Variants in POMGNT1 observed in about 807,000 individuals in gnomAD.
The protein encoded by POMGNT1 is protein O-linked mannose N-acetylglucosaminyltransferase 1 (beta 1,2-).
A neutral mutation model predicts 95.6 loss-of-function variants in POMGNT1; 67 were observed. The ratio of observed to expected loss-of-function variants is 0.70; its 90% confidence interval spans 0.58 to 0.86. The LOEUF (loss-of-function observed/expected upper bound fraction) is 0.86. POMGNT1 is among the 40% of genes least tolerant of loss of function. POMGNT1 has a pLI of 0.00. For missense variants in POMGNT1, 719 were observed against 855.2 expected (o/e 0.84, Z 1.99); for synonymous variants, 298 against 317.9 (o/e 0.94, Z 0.66).
rs764844715 is a variant in POMGNT1, at chr1:46,192,380, A to G, written c.1341T>C (p.Pro447=). ...ACCTCCTGAGCACCCAGCCCAGCCCAGGCATGGTCTCCACACGGTACAGTA... is the reference window on the plus strand; with the variant it reads ...ACCTCCTGAGCACCCAGCCCAGCCCGGGCATGGTCTCCACACGGTACAGTA... The part of the protein sequence containing the change: ...PALLYRVETM[P]GLGWVLRRSL... The change falls in exon 16 of 22, where the codon CCT becomes CCC. Residue 447 remains proline, a synonymous_variant. Coordinates refer to ENST00000371984, the MANE Select transcript of POMGNT1 (RefSeq NM_017739.4). The G allele has an allele frequency of 1.2e-6, 2 of 1,614,078 alleles. No homozygotes were observed. Among genetic ancestry groups the G allele is most frequent in the South Asian group, 2.2e-5 (2 of 91,096 alleles).
intron 1 of POMGNT1, among the ~76,000 whole-genome samples, chr1:46,214,495 A>T (rs55707872): frequency 6.6e-6 from 1 of 152,162 alleles, no homozygotes; most frequent in Non-Finnish European, 1.5e-5. Flanking sequence ...AGGTGTAAAA[A>T]GGTAAACATT....
intron 1 of POMGNT1, among the ~76,000 whole-genome samples, chr1:46,208,268 C>T (rs1658783045): frequency 6.6e-6 from 1 of 152,146 alleles, no homozygotes; most frequent in Non-Finnish European, 1.5e-5. Context: ...TCTGGGATTG[C>T]AGGCTGAGCC....
intron 1 of POMGNT1, among the ~76,000 whole-genome samples, chr1:46,216,043 C>CTTTTTTTTTTTTTTTTTTT (rs141982741): frequency 1.1e-5 from 1 of 92,540 alleles, no homozygotes; most frequent in African/African-American, 4.3e-5. Context: ...TTTATTTTAT[C>CTTTTTTTTTTTTTTTTTTT]TTTTTTTTTT....
At chr1:46,202,915 G>GGGT (rs1658583724), upstream of POMGNT1, among the ~76,000 whole-genome samples, 2 of 109,956 alleles carry the variant, frequency 1.8e-5, no homozygotes, top group Non-Finnish European at 3.9e-5. Flanking sequence ...CTGGGGGGGG[G>GGGT]GGGTGGTGTG....
upstream of POMGNT1, among the ~76,000 whole-genome samples, chr1:46,202,737 A>G (rs1268642360): frequency 6.7e-6 from 1 of 149,452 alleles, no homozygotes; most frequent in Non-Finnish European, 1.5e-5. Context: ...CAGGATCTCA[A>G]GCCCCACCCC....
intron 20 of POMGNT1, 142 bp from the exon 21 acceptor site, chr1:46,189,709 G>A: frequency 6.5e-7 from 1 of 1,546,854 alleles, no homozygotes; most frequent in East Asian, 2.3e-5. Flanking sequence ...ATATGAATTT[G>A]GACAAGGAGG....
intron 1 of POMGNT1, chr1:46,219,574 C>T (rs1319723569): frequency 1.3e-5 from 14 of 1,043,352 alleles, no homozygotes; most frequent in Non-Finnish European, 1.8e-5. Context: ...ACACTGCAAG[C>T]CGTTATAATT....
intron 6 of POMGNT1, chr1:46,195,593 C>T: frequency 1.6e-6 from 1 of 619,678 alleles, no homozygotes; most frequent in East Asian, 3.0e-5. Context: ...TGTCTTGTTT[C>T]CCATTGTATC....
At chr1:46,211,968 GC>G (rs966887902) in intron 1 of POMGNT1, among the ~76,000 whole-genome samples, 1 of 151,974 alleles carries the variant, frequency 6.6e-6, no homozygotes, top group African/African-American at 2.4e-5. Flanking sequence ...CACCATGTTG[GC>G]CAGGCTGGTC....
rs749603354 is a variant in POMGNT1, at chr1:46,196,781, C to T, written c.304G>A (p.Glu102Lys). The T allele has an allele frequency of 4.9e-5, 79 of 1,614,104 alleles. No homozygotes were observed. The highest frequency in any genetic ancestry group is 6.6e-5 in the Non-Finnish European group (78 of 1,180,054). The change falls in exon 4 of 22, where the codon GAG (glutamate) becomes AAG (lysine). Residue 102 changes from glutamate to lysine, a missense_variant. By Grantham distance (56) the Glu-to-Lys change is moderately conservative (BLOSUM62 1). This residue lies in a region of POMGNT1 where 466 missense variants were observed against 517.4 expected (regional missense o/e 0.90). Coordinates refer to ENST00000371984, the MANE Select transcript of POMGNT1 (RefSeq NM_017739.4). The surrounding 1 kb of genome is among the most constrained non-coding windows in gnomAD (Gnocchi z 4.4). ...GSGPRRVLDV[E>K]VYSSRSKVYV... The stretch of plus-strand genomic sequence containing the variant: ...ACTTTGCTGCGACTTGAATACACCT[C>T]TACGTCCAGGACCCGCCGGGGACCA...
Position 46,189,036 on chromosome 1 carries a change from C to A in POMGNT1, c.*234G>T. The A allele has an allele frequency of 6.4e-7, 1 of 1,564,358 alleles. No individual in the cohort carries two copies. Among genetic ancestry groups the A allele is most frequent in the South Asian group, 1.2e-5 (1 of 83,754 alleles). ...TGAGCTGCTAGGGATCGTAATGATTCCCAGGTACTCTCCTGCCCTTCTCCA... is the reference window on the plus strand; with the variant it reads ...TGAGCTGCTAGGGATCGTAATGATTACCAGGTACTCTCCTGCCCTTCTCCA... On this transcript the variant is annotated 3_prime_UTR_variant, in exon 22 of 22. Coordinates refer to ENST00000371984, the MANE Select transcript of POMGNT1 (RefSeq NM_017739.4).
rs544345817 is a variant in POMGNT1 at position 46,203,977 on chromosome 1, G to A, written c.-50-6106C>T. On this transcript the variant is annotated intron_variant, in intron 1 of 22. Coordinates refer to the POMGNT1 transcript ENST00000371992. ...CGCCTGTATGGGCCACCTATTCCCC[G>A]CCAGTCCCCGTTGTAAGGCAACCGG... Among the ~76,000 whole-genome samples, 4 of 152,188 alleles carry A rather than the reference G, an allele frequency of 2.6e-5. No homozygotes were observed. The East Asian group carries it at 7.7e-4, about 29-fold the overall frequency.
chr1:46,212,570 T>C (rs576325894), intron 1 of POMGNT1, among the ~76,000 whole-genome samples: 18 of 150,802 alleles, frequency 1.2e-4, no homozygotes, highest in South Asian at 4.2e-4. Context: ...CGTGAGCCAC[T>C]GCACCCGGCC....
chr1:46,201,423 G>T (rs1218054677), upstream of POMGNT1, among the ~76,000 whole-genome samples: 1 of 152,100 alleles, frequency 6.6e-6, no homozygotes, highest in Non-Finnish European at 1.5e-5. Flanking sequence ...TGCCAGGCCG[G>T]GCGCAGTGGC....
intron 1 of POMGNT1, among the ~76,000 whole-genome samples, chr1:46,214,622 C>T (rs1411544129): frequency 4.6e-5 from 7 of 151,846 alleles, no homozygotes; most frequent in Non-Finnish European, 1.0e-4. Flanking sequence ...AATCCCAGCA[C>T]TTGGGAGGCC....
chr1:46,192,736 C>T, intron 14 of POMGNT1, 146 bp from the exon 15 acceptor site: 2 of 1,593,864 alleles, frequency 1.3e-6, no homozygotes, highest in Non-Finnish European at 1.7e-6. Context: ...CTCCATTCAT[C>T]CACTGTACCT....
intron 1 of POMGNT1, among the ~76,000 whole-genome samples, chr1:46,206,361 C>T (rs1453461903): frequency 2.0e-5 from 3 of 152,108 alleles, no homozygotes; most frequent in Admixed American, 6.6e-5. Context: ...GCTCTGGGAG[C>T]TCGGACTGGG....
intron 2 of POMGNT1, 53 bp from the exon 3 acceptor site, chr1:46,197,137 G>A (rs1446440352): frequency 6.2e-7 from 1 of 1,612,938 alleles, no homozygotes; most frequent in Non-Finnish European, 8.5e-7. Flanking sequence ...AGATCCTAGA[G>A]GGTCTTTCTG....
In POMGNT1 at chr1:46,188,884, A is replaced by T; in HGVS notation, c.*386T>A. 1 of 1,612,888 alleles carries T rather than the reference A, an allele frequency of 6.2e-7. No individual in the cohort carries two copies. The highest frequency in any genetic ancestry group is 8.5e-7 in the Non-Finnish European group (1 of 1,179,886). Reference sequence around the variant, plus strand: ...TAAGAGCCAGCCCCACCCTCAGGGCAGCATTCCAGCCCAAAAAGAAATCCA... The same window carrying T: ...TAAGAGCCAGCCCCACCCTCAGGGCTGCATTCCAGCCCAAAAAGAAATCCA... On this transcript the variant is annotated 3_prime_UTR_variant, in exon 22 of 22. Coordinates refer to ENST00000371984, the MANE Select transcript of POMGNT1 (RefSeq NM_017739.4).
Sources: gnomAD v4.1 joint callset for allele counts (sites outside exome capture counted in the v4.1 genomes callset) on GRCh38, gnomAD v4.1.1 for gene constraint, gnomAD v4.1.1 regional missense constraint, Gnocchi (gnomAD v3.1) non-coding constraint, MANE v1.5 for transcripts, NCBI Gene and HGNC (gene_info 2026-07-23, HGNC 2026-07-21) for gene names.